TMEM45B: variants seen among roughly 807,000 people sequenced by gnomAD.
TMEM45B encodes the protein transmembrane protein 45B.
TMEM45B carries 29 observed loss-of-function variants against 27.3 expected under a neutral mutation model. That is an observed-to-expected ratio of 1.06 (90% confidence interval 0.79 to 1.45). TMEM45B has a LOEUF of 1.45. TMEM45B is among the 40% of genes most tolerant of loss of function. TMEM45B has a pLI of 0.00. For synonymous variants in TMEM45B, 143 were observed against 134.7 expected, an observed-to-expected ratio of 1.06 and a Z score of -0.43; for missense variants, 348 against 343.9, an observed-to-expected ratio of 1.01 and a Z score of -0.09.
chr11:129,834,846 GT>G (rs1252418932), intron 1 of TMEM45B, among the ~76,000 whole-genome samples: 1 of 151,368 alleles, frequency 6.6e-6, no homozygotes, highest in East Asian at 1.9e-4. Flanking sequence ...AGAAACATCT[GT>G]CATCTTAGAG....
chr11:129,835,544 G>T (rs1325022621), intron 1 of TMEM45B, among the ~76,000 whole-genome samples: 2 of 152,228 alleles, frequency 1.3e-5, no homozygotes, highest in African/African-American at 4.8e-5. Context: ...ACAGCGATAT[G>T]GCTGTGATCA....
intron 1 of TMEM45B, among the ~76,000 whole-genome samples, chr11:129,818,226 C>G (rs1224731095): frequency 1.3e-5 from 2 of 152,226 alleles, no homozygotes; most frequent in Non-Finnish European, 2.9e-5. Context: ...AATTTTATCT[C>G]TCTTTTCTAT....
At position 129,858,629 on chromosome 11, in the gene TMEM45B, C is replaced by A; in HGVS notation, c.772C>A (p.Leu258Met). Residue 258 changes from leucine (L) to methionine (M), a missense_variant, in exon 6 of 6, where the codon CTG becomes ATG. Physicochemically the swap from Leu to Met is conservative, Grantham distance 15. Coordinates refer to ENST00000281441, the MANE Select transcript of TMEM45B (RefSeq NM_138788.5). ...GGGAGAAATCATTGGAATTCAGAAG[C>A]TGAATTCAGATGACACTTACCAGAC... is the stretch of plus-strand genomic sequence containing the variant. ...GRGEIIGIQKLNSDDTYQTAL... is the reference protein window; with the variant it reads ...GRGEIIGIQKMNSDDTYQTAL... 6.3e-7 allele frequency: 1 copy of A among 1,585,570 alleles called. No individual in the cohort carries two copies. The highest frequency in any genetic ancestry group is 8.6e-7 in the Non-Finnish European group (1 of 1,164,908).
intron 1 of TMEM45B, among the ~76,000 whole-genome samples, chr11:129,823,834 C>T (rs1355222110): frequency 1.3e-5 from 2 of 152,188 alleles, no homozygotes; most frequent in Non-Finnish European, 2.9e-5. Flanking sequence ...TCCTGAGCCA[C>T]AGTTCAGTTT....
rs1451480682 is a variant in TMEM45B at position 129,858,596 on chromosome 11, C to A, written c.739C>A (p.His247Asn). The A allele has an allele frequency of 6.3e-7, 1 of 1,587,636 alleles. No homozygotes were observed. The highest frequency in any genetic ancestry group is 8.6e-7 in the Non-Finnish European group (1 of 1,165,976). Residue 247 changes from histidine to asparagine, a missense_variant, in exon 6 of 6, where the codon CAC (histidine) becomes AAC (asparagine). His to Asn is a moderately conservative substitution (Grantham distance 68). Coordinates refer to ENST00000281441, the MANE Select transcript of TMEM45B (RefSeq NM_138788.5). ...VYCLLTRMKR[H>N]GRGEIIGIQK... ...AAGCCTTTTGACTCGGATGAAGAGACACGGAAGGGGAGAAATCATTGGAAT... is the reference window on the plus strand; with the variant it reads ...AAGCCTTTTGACTCGGATGAAGAGAAACGGAAGGGGAGAAATCATTGGAAT...
chr11:129,836,379 T>C (rs1947620161), intron 1 of TMEM45B, among the ~76,000 whole-genome samples: 1 of 152,210 alleles, frequency 6.6e-6, no homozygotes, highest in Admixed American at 6.5e-5. Context: ...GACTTAACAG[T>C]TGATGCTGAT....
At chr11:129,838,038 T>C (rs1010042733) in intron 1 of TMEM45B, among the ~76,000 whole-genome samples, 1 of 152,092 alleles carries the variant, frequency 6.6e-6, no homozygotes, top group Non-Finnish European at 1.5e-5. Flanking sequence ...CACCTCAGCC[T>C]CCCAAAGTGC....
intron 1 of TMEM45B, among the ~76,000 whole-genome samples, chr11:129,851,543 C>CAAAAAAAAAAAAAAAAAAAAA (rs71057982): frequency 5.6e-4 from 31 of 54,938 alleles, no homozygotes; most frequent in African/African-American, 1.3e-3. Context: ...AACTCTGCCT[C>CAAAAAAAAAAAAAAAAAAAAA]AAAAAAAAAA....
rs780920598 is a variant in TMEM45B, at chr11:129,852,574, G to C, written c.92G>C (p.Ser31Thr). Residue 31 changes from serine to threonine, a missense_variant, in exon 2 of 6, where the codon AGC becomes ACC. Coordinates refer to ENST00000281441, the MANE Select transcript of TMEM45B (RefSeq NM_138788.5). Reference protein sequence around the residue: ...WSVKYPLKYFSHTRKNSPLHY... With the variant: ...WSVKYPLKYFTHTRKNSPLHY... ...GTGAAGTACCCGCTGAAGTACTTTA[G>C]CCACACGCGGAAGAACAGCCCACTA... is the stretch of plus-strand genomic sequence containing the variant. The C allele has an allele frequency of 9.3e-6, 15 of 1,613,940 alleles. 1 individual carries two copies. The South Asian group carries it at 1.6e-4, about 18-fold the overall frequency.
chr11:129,830,718 A>C (rs1254086961), intron 1 of TMEM45B, among the ~76,000 whole-genome samples: 3 of 152,272 alleles, frequency 2.0e-5, no homozygotes, highest in Non-Finnish European at 4.4e-5. Context: ...GATGCTCAAC[A>C]TCACTAATCA....
intron 1 of TMEM45B, 102 bp downstream of exon 1, chr11:129,816,000 C>G: frequency 8.1e-7 from 1 of 1,235,758 alleles, no homozygotes; most frequent in Non-Finnish European, 1.0e-6. Flanking sequence ...GAGGTTCCGA[C>G]TCGCAGGGGA....
chr11:129,837,578 C>T (rs1262795622), intron 1 of TMEM45B, among the ~76,000 whole-genome samples: 1 of 61,346 alleles, frequency 1.6e-5, no homozygotes, highest in Non-Finnish European at 3.5e-5. Context: ...TGAGCCACTG[C>T]ACTGGGCTTT....
intron 1 of TMEM45B, among the ~76,000 whole-genome samples, chr11:129,821,499 T>G (rs1947419666): frequency 6.6e-6 from 1 of 152,208 alleles, no homozygotes; most frequent in Non-Finnish European, 1.5e-5. Flanking sequence ...TATGTACAGT[T>G]TTTGTAATTT....
intron 1 of TMEM45B, among the ~76,000 whole-genome samples, chr11:129,817,770 G>T (rs1385722624): frequency 6.6e-6 from 1 of 152,118 alleles, no homozygotes; most frequent in African/African-American, 2.4e-5. Flanking sequence ...CCCCCTACCT[G>T]CAGTTAAACA....
At chr11:129,822,841 CTTTTTTT>C (rs981694529) in intron 1 of TMEM45B, among the ~76,000 whole-genome samples, 1 of 134,128 alleles carries the variant, frequency 7.5e-6, no homozygotes, top group Non-Finnish European at 1.6e-5. Context: ...AAACATTTTT[CTTTTTTT>C]TTTTTTTTTT....
At chr11:129,845,267 GTGTA>G (rs1448533277) in intron 1 of TMEM45B, among the ~76,000 whole-genome samples, 34 of 83,854 alleles carry the variant, frequency 4.1e-4, no homozygotes, top group African/African-American at 1.1e-3. Context: ...TTTTGTGTGT[GTGTA>G]TGTGTGTGTG....
At chr11:129,818,737 T>G (rs1947381401) in intron 1 of TMEM45B, among the ~76,000 whole-genome samples, 1 of 152,242 alleles carries the variant, frequency 6.6e-6, no homozygotes, top group South Asian at 2.1e-4. Flanking sequence ...TTTGGTATAT[T>G]TCATGCCCAT....
At chr11:129,816,263 G>T (rs1466964610) in intron 1 of TMEM45B, among the ~76,000 whole-genome samples, 1 of 152,170 alleles carries the variant, frequency 6.6e-6, no homozygotes, top group Non-Finnish European at 1.5e-5. Flanking sequence ...TGAGGGGAAG[G>T]TGTGAAGCCC....
intron 3 of TMEM45B, 29 bp downstream of exon 3, chr11:129,854,845 G>T: frequency 6.2e-7 from 1 of 1,603,564 alleles, no homozygotes. Context: ...TGGAGAGGAA[G>T]GAGAGCCTGA....
Sources: gnomAD v4.1 joint callset for allele counts (sites outside exome capture counted in the v4.1 genomes callset) on GRCh38, gnomAD v4.1.1 for gene constraint, MANE v1.5 for transcripts, NCBI Gene and HGNC (gene_info 2026-07-23, HGNC 2026-07-21) for gene names.